Variants in PLEKHA5 observed in about 807,000 individuals in gnomAD.
The protein encoded by PLEKHA5 is pleckstrin homology domain-containing family A member 5.
PLEKHA5 carries 55 observed loss-of-function variants against 181.9 expected under a neutral mutation model. The ratio of observed to expected loss-of-function variants is 0.30; its 90% CI spans 0.24 to 0.38. PLEKHA5 has a LOEUF of 0.38. Among genes scored for constraint, PLEKHA5 ranks in the 10% least tolerant of loss-of-function variants. PLEKHA5 has a pLI of 1.00. For synonymous variants in PLEKHA5, 535 were observed against 529.4 expected, an observed-to-expected ratio of 1.01 and a Z score of -0.15; for missense variants, 1,432 against 1,549.5, an observed-to-expected ratio of 0.92 and a Z score of 1.27.
chr12:19,237,937 G>T (rs559206822), intron 3 of PLEKHA5, among the ~76,000 whole-genome samples: 4 of 151,672 alleles, frequency 2.6e-5, no homozygotes, highest in Non-Finnish European at 4.4e-5. Context: ...AGGGATGAAT[G>T]ATATTATTGT....
chr12:19,132,434 G>A lies in PLEKHA5; in HGVS notation c.211G>A (p.Ala71Thr). ...GGAAGAAGCATATACTTTTGAAGGTGCAAGATACTATATAAAGTGAGTTTT... is the reference window on the plus strand; with the variant it reads ...GGAAGAAGCATATACTTTTGAAGGTACAAGATACTATATAAAGTGAGTTTT... ...GWEEAYTFEG[A>T]RYYINHNERK... The change falls in exon 3 of 32, where the codon GCA (alanine) becomes ACA (threonine). Residue 71 changes from alanine to threonine, a missense_variant. Transcript: ENST00000429027. 6.4e-7 allele frequency: 1 copy of A among 1,554,840 alleles called. No homozygotes were observed. Among genetic ancestry groups the A allele is most frequent in the Non-Finnish European group, 8.8e-7 (1 of 1,137,788 alleles).
chr12:19,233,076 A>T (rs2060874630), intron 3 of PLEKHA5, among the ~76,000 whole-genome samples: 1 of 150,100 alleles, frequency 6.7e-6, no homozygotes, highest in Non-Finnish European at 1.5e-5. Flanking sequence ...TTAGCAGAAG[A>T]TAATGAGGAT....
intron 3 of PLEKHA5, among the ~76,000 whole-genome samples, chr12:19,210,793 A>G (rs1031825153): frequency 2.6e-5 from 4 of 152,212 alleles, no homozygotes; most frequent in African/African-American, 9.6e-5. Context: ...AGTAGAAATT[A>G]TAGAGCAAAG....
At chr12:19,160,949 G>A (rs1171427622) in intron 3 of PLEKHA5, among the ~76,000 whole-genome samples, 5 of 152,010 alleles carry the variant, frequency 3.3e-5, no homozygotes, top group Admixed American at 6.6e-5. Flanking sequence ...TAGTAAAAGC[G>A]TACATGTATG....
At chr12:19,216,092 A>G (rs542898367) in intron 3 of PLEKHA5, among the ~76,000 whole-genome samples, 105 of 152,346 alleles carry the variant, frequency 6.9e-4, no homozygotes, top group Non-Finnish European at 8.2e-4. Flanking sequence ...TAAAAGGGAA[A>G]TATAAGTTAC....
intron 10 of PLEKHA5, among the ~76,000 whole-genome samples, chr12:19,272,466 C>T (rs891607802): frequency 2.0e-4 from 30 of 152,168 alleles, no homozygotes; most frequent in Admixed American, 1.0e-3. Context: ...AGGCTGAGCA[C>T]GGTGGCTCAC....
At chr12:19,219,835 G>A (rs1157577803) in intron 3 of PLEKHA5, among the ~76,000 whole-genome samples, 1 of 151,878 alleles carries the variant, frequency 6.6e-6, no homozygotes, top group Non-Finnish European at 1.5e-5. Context: ...TATGGATGGG[G>A]GAGTCATTTA....
At chr12:19,369,372 T>C (rs12817774) in intron 30 of PLEKHA5, among the ~76,000 whole-genome samples, 14,469 of 151,668 alleles carry the variant, frequency 0.095, 740 homozygotes, top group Middle Eastern at 0.12. Flanking sequence ...TCAGGAAATA[T>C]TTTATACTGA....
intron 21 of PLEKHA5, among the ~76,000 whole-genome samples, chr12:19,341,525 G>A (rs563595242): frequency 6.6e-6 from 1 of 151,766 alleles, no homozygotes. Context: ...GTTGTGTTTG[G>A]CTCTTGCATG....
intron 3 of PLEKHA5, among the ~76,000 whole-genome samples, chr12:19,136,486 A>C (rs1300064582): frequency 6.6e-6 from 1 of 152,218 alleles, no homozygotes; most frequent in East Asian, 1.9e-4. Context: ...AAAATCTTAT[A>C]CGTTTGAGTT....
Position 19,197,834 on chromosome 12 carries a change from C to G in PLEKHA5, c.228-56106C>G, listed in dbSNP as rs1204272202. Reference sequence around the variant, plus strand: ...TTTCCTCATCTCCACATTCACTGACCTCTTCATATAGTGTCTAATATACAG... The same window carrying G: ...TTTCCTCATCTCCACATTCACTGACGTCTTCATATAGTGTCTAATATACAG... On this transcript the variant is annotated intron_variant, in intron 3 of 31. Coordinates refer to ENST00000429027, the MANE Select transcript of PLEKHA5 (RefSeq NM_001256470.2). Among the ~76,000 whole-genome samples, 3 of 149,560 alleles carry G rather than the reference C, an allele frequency of 2.0e-5. No homozygotes were observed. The East Asian group carries it at 5.9e-4, about 29-fold the overall frequency.
chr12:19,145,091 A>G (rs1477402790), intron 3 of PLEKHA5, among the ~76,000 whole-genome samples: 1 of 152,186 alleles, frequency 6.6e-6, no homozygotes, highest in African/African-American at 2.4e-5. Context: ...ATGAGGATCA[A>G]AGTACCTATG....
chr12:19,260,374 C>G (rs2068106128), intron 6 of PLEKHA5, among the ~76,000 whole-genome samples: 1 of 152,158 alleles, frequency 6.6e-6, no homozygotes. Context: ...AGAGTGAATT[C>G]CAAATTGCTT....
intron 3 of PLEKHA5, among the ~76,000 whole-genome samples, chr12:19,187,253 A>G (rs1207052615): frequency 2.6e-5 from 4 of 152,322 alleles, no homozygotes; most frequent in Middle Eastern, 3.4e-3. Flanking sequence ...AAATTTCTAG[A>G]TACACTGAAC....
intron 3 of PLEKHA5, among the ~76,000 whole-genome samples, chr12:19,184,307 C>T (rs555052462): frequency 6.6e-6 from 1 of 152,088 alleles, no homozygotes; most frequent in African/African-American, 2.4e-5. Flanking sequence ...ATAGTAAACC[C>T]CCAAAAATCT....
At chr12:19,288,365 T>G (rs1020349067) in intron 13 of PLEKHA5, among the ~76,000 whole-genome samples, 4 of 152,224 alleles carry the variant, frequency 2.6e-5, no homozygotes, top group African/African-American at 9.6e-5. Flanking sequence ...TTGTCAGTGT[T>G]ATGTTAATTG....
At chr12:19,139,103 A>AG (rs2036543332) in intron 3 of PLEKHA5, among the ~76,000 whole-genome samples, 1 of 33,692 alleles carries the variant, frequency 3.0e-5, no homozygotes, top group South Asian at 1.0e-3. Flanking sequence ...GGGAATGGAA[A>AG]GGAAAGGCCA....
chr12:19,202,835 T>C (rs936728103), intron 3 of PLEKHA5, among the ~76,000 whole-genome samples: 2 of 152,098 alleles, frequency 1.3e-5, no homozygotes, highest in Non-Finnish European at 2.9e-5. Flanking sequence ...CCCATCCTCA[T>C]GTATCAGTTA....
At chr12:19,233,281 G>A (rs2060906949) in intron 3 of PLEKHA5, among the ~76,000 whole-genome samples, 1 of 151,974 alleles carries the variant, frequency 6.6e-6, no homozygotes, top group Non-Finnish European at 1.5e-5. Flanking sequence ...GTTTAAACTT[G>A]GGATTTAATG....
Sources: gnomAD v4.1 joint callset for allele counts (sites outside exome capture counted in the v4.1 genomes callset) on GRCh38, gnomAD v4.1.1 for gene constraint, MANE v1.5 for transcripts, NCBI Gene and HGNC (gene_info 2026-07-23, HGNC 2026-07-21) for gene names.